Variants in RBM33 observed in about 807,000 individuals in gnomAD.
RBM33 encodes the protein RNA-binding protein 33.
A neutral mutation model predicts 132.6 loss-of-function variants in RBM33; 28 were observed. The ratio of observed to expected loss-of-function variants is 0.21; its 90% confidence interval spans 0.16 to 0.29. RBM33 has a LOEUF of 0.29. Ranked by LOEUF, RBM33 falls within the 10% of genes least tolerant of loss-of-function variation. The pLI is 1.00. For missense variants in RBM33, 1,291 were observed against 1,518.5 expected, an observed-to-expected ratio of 0.85 and a Z score of 2.49; for synonymous variants, 634 against 593.0, an observed-to-expected ratio of 1.07 and a Z score of -1.01.
At position 155,654,620 on chromosome 7, in the gene RBM33, T is replaced by G. The variant is rs191912726; in HGVS notation, c.43+9701T>G. ...TATTTCCCTGGAATGCCCATCTACTTGACAAAAATGTAGTTATTCTCAGCC... is the reference window on the plus strand; with the variant it reads ...TATTTCCCTGGAATGCCCATCTACTGGACAAAAATGTAGTTATTCTCAGCC... On this transcript the variant is annotated intron_variant, in intron 1 of 17. Coordinates refer to ENST00000401878, the MANE Select transcript of RBM33 (RefSeq NM_053043.3). Among the ~76,000 whole-genome samples, 29 of 152,290 alleles carry G rather than the reference T, an allele frequency of 1.9e-4. No individual in the cohort carries two copies. The East Asian group carries it at 5.4e-3, about 28-fold the overall frequency.
rs756611803 is a variant in RBM33, at chr7:155,745,309, T to C, written c.2686T>C (p.Ser896Pro). The change falls in exon 14 of 18, where the codon TCC becomes CCC. Residue 896 changes from serine to proline, a missense_variant. Around this residue, in one of 7 missense-constraint regions of RBM33, gnomAD observed 841 missense variants for 912.0 expected, o/e 0.92. Transcript: ENST00000401878. The surrounding 1 kb of genome is among the most constrained non-coding windows in gnomAD (Gnocchi z 4.1). ...VQPKTSNFVPSSANMQYQGQQ... is the reference protein window; with the variant it reads ...VQPKTSNFVPPSANMQYQGQQ... ...GCCCAAAACATCCAATTTTGTACCA[T>C]CCAGTGCCAACATGCAGTATCAAGG... 3 of 1,613,030 alleles carry C rather than the reference T, an allele frequency of 1.9e-6. No individual in the cohort carries two copies. The highest frequency in any genetic ancestry group is 1.7e-6 in the Non-Finnish European group (2 of 1,179,440).
At chr7:155,665,294 C>G (rs757002140) in intron 2 of RBM33, 41 bp downstream of exon 2, 3 of 1,556,252 alleles carry the variant, frequency 1.9e-6, no homozygotes, top group South Asian at 1.1e-5. Context: ...CTGTGCCGAT[C>G]TCTCTCATTC....
intron 14 of RBM33, among the ~76,000 whole-genome samples, chr7:155,762,113 G>A (rs1022285311): frequency 6.6e-6 from 1 of 152,272 alleles, no homozygotes; most frequent in Non-Finnish European, 1.5e-5. Context: ...CCCATGGCCA[G>A]TTATCTGTGT....
At chr7:155,766,206 AGCACAAGCGTGTG>A (rs1802210632) in intron 15 of RBM33, among the ~76,000 whole-genome samples, 1 of 152,150 alleles carries the variant, frequency 6.6e-6, no homozygotes, top group African/African-American at 2.4e-5. Context: ...GTGCCCACCG[AGCACAAGCGTGTG>A]GCCCCTGGAG....
intron 15 of RBM33, among the ~76,000 whole-genome samples, chr7:155,765,008 G>A (rs35003790): frequency 0.1 from 15,237 of 152,218 alleles, 929 homozygotes; most frequent in East Asian, 0.28. Flanking sequence ...TTTAAAGATC[G>A]CTGTGGTCTG....
At chr7:155,746,644 C>T (rs916238835) in intron 14 of RBM33, 25 of 152,178 alleles carry the variant, frequency 1.6e-4, no homozygotes, top group African/African-American at 6.0e-4. Flanking sequence ...CTTTATCCCA[C>T]CATATAGTCT....
chr7:155,731,795 A>G (rs927293739), intron 9 of RBM33, among the ~76,000 whole-genome samples: 1 of 152,234 alleles, frequency 6.6e-6, no homozygotes, highest in Non-Finnish European at 1.5e-5. Context: ...ACTATTGAGG[A>G]TGAGATTCAT....
intron 2 of RBM33, among the ~76,000 whole-genome samples, chr7:155,670,048 C>T (rs1798905015): frequency 6.6e-6 from 1 of 152,238 alleles, no homozygotes; most frequent in African/African-American, 2.4e-5. Context: ...GTCAAGTTCA[C>T]TTCTGGTTTT....
intron 9 of RBM33, among the ~76,000 whole-genome samples, chr7:155,734,823 C>T (rs1445871861): frequency 6.6e-6 from 1 of 152,138 alleles, no homozygotes; most frequent in East Asian, 1.9e-4. Flanking sequence ...ACAGTGTGAT[C>T]AGTCAAACCT....
At chr7:155,670,503 A>C (rs1035266029) in intron 2 of RBM33, among the ~76,000 whole-genome samples, 1 of 152,200 alleles carries the variant, frequency 6.6e-6, no homozygotes, top group Non-Finnish European at 1.5e-5. Context: ...AAGTACATGT[A>C]GTTTCTGTGG....
intron 7 of RBM33, among the ~76,000 whole-genome samples, chr7:155,708,661 G>C (rs1459912537): frequency 6.6e-6 from 1 of 152,214 alleles, no homozygotes; most frequent in Non-Finnish European, 1.5e-5. Flanking sequence ...GATTTGGACT[G>C]TTAGAGCCTA....
At chr7:155,729,251 A>G (rs1201235399) in intron 9 of RBM33, among the ~76,000 whole-genome samples, 1 of 152,096 alleles carries the variant, frequency 6.6e-6, no homozygotes, top group Admixed American at 6.5e-5. Context: ...ACCACCCACC[A>G]GGTCCCTCCC....
At chr7:155,706,666 T>G in intron 6 of RBM33, 194 bp from the exon 7 acceptor site, 1 of 547,432 alleles carries the variant, frequency 1.8e-6, no homozygotes, top group Non-Finnish European at 3.3e-6. Context: ...CTGTTCTTAT[T>G]TATCAGATCT....
In RBM33 at chr7:155,774,507, T is replaced by A; in HGVS notation, c.3376-52T>A. 7.6e-7 allele frequency: 1 copy of A among 1,311,432 alleles called. No individual in the cohort carries two copies. The highest frequency in any genetic ancestry group is 1.2e-5 in the South Asian group (1 of 83,694). The allele number at this position is 1,311,432 out of a possible 1,614,324, so 81.2% of individuals were successfully genotyped here. A position where few individuals can be genotyped will look rare whatever the true frequency, so the allele number is the denominator to read the frequency against. On this transcript the variant is annotated intron_variant, in intron 16 of 17. Coordinates refer to ENST00000401878, the MANE Select transcript of RBM33 (RefSeq NM_053043.3). This position sits in a 1 kb window ranked among gnomAD's most constrained non-coding sequence, Gnocchi z 4.2. ...TAATGCTTAAATATATATATTCATA[T>A]TTTTTATTGTCATTTACAACTGATC...
chr7:155,742,331 G>A (rs1217061821), intron 13 of RBM33, among the ~76,000 whole-genome samples: 1 of 148,614 alleles, frequency 6.7e-6, no homozygotes, highest in Non-Finnish European at 1.5e-5. Flanking sequence ...TTACTGTTCT[G>A]TTATACAGAA....
intron 16 of RBM33, 134 bp downstream of exon 16, chr7:155,766,789 A>G: frequency 3.6e-6 from 3 of 842,574 alleles, no homozygotes; most frequent in Non-Finnish European, 3.8e-6. Flanking sequence ...AAGACAAATA[A>G]CCTGTTGTGC....
At chr7:155,711,074 G>A in intron 7 of RBM33, 129 bp from the exon 8 acceptor site, 3 of 1,330,374 alleles carry the variant, frequency 2.3e-6, no homozygotes, top group Non-Finnish European at 2.9e-6. Flanking sequence ...TTCTTACATT[G>A]TAACTTAAAA....
At chr7:155,692,541 A>G (rs192694151) in intron 5 of RBM33, among the ~76,000 whole-genome samples, 18 of 152,300 alleles carry the variant, frequency 1.2e-4, no homozygotes, top group Admixed American at 2.0e-4. Context: ...ACAACCTCCT[A>G]TGTGTGCAGG....
intron 12 of RBM33, among the ~76,000 whole-genome samples, chr7:155,740,940 C>T (rs902987453): frequency 2.6e-5 from 4 of 152,234 alleles, no homozygotes; most frequent in East Asian, 1.9e-4. Flanking sequence ...TCAGGGTTCT[C>T]GCCTGTCAGT....
Sources: gnomAD v4.1 joint callset for allele counts (sites outside exome capture counted in the v4.1 genomes callset) on GRCh38, gnomAD v4.1.1 for gene constraint, gnomAD v4.1.1 regional missense constraint, Gnocchi (gnomAD v3.1) non-coding constraint, MANE v1.5 for transcripts, NCBI Gene and HGNC (gene_info 2026-07-23, HGNC 2026-07-21) for gene names.